The following OTOG variants were observed in gnomAD, a reference collection of about 807,000 sequenced individuals.
OTOG encodes otogelin.
OTOG carries 296 observed loss-of-function variants against 313.8 expected under a neutral mutation model. That is an observed-to-expected ratio of 0.94 (90% CI 0.86 to 1.04). OTOG has a LOEUF of 1.04. Among genes scored for constraint, OTOG ranks in the 50% least tolerant of loss-of-function variants. The pLI is 0.00. For synonymous variants in OTOG, 1,533 were observed against 1,554.9 expected (o/e 0.99, Z 0.33); for missense variants, 3,948 against 3,840.1 (o/e 1.03, Z -0.74).
intron 23 of OTOG, among the ~76,000 whole-genome samples, chr11:17,581,831 C>T (rs908663666): frequency 6.6e-6 from 1 of 152,134 alleles, no homozygotes; most frequent in Non-Finnish European, 1.5e-5. Flanking sequence ...TCTGTCAGTC[C>T]TTTCCAGCCG....
At chr11:17,588,850 G>A (rs77875564) in intron 24 of OTOG, among the ~76,000 whole-genome samples, 1 of 151,818 alleles carries the variant, frequency 6.6e-6, no homozygotes, top group Non-Finnish European at 1.5e-5. Context: ...ATCCCAATGC[G>A]TCTCACCTCA....
At chr11:17,572,460 G>A (rs916649410) in intron 18 of OTOG, among the ~76,000 whole-genome samples, 2 of 152,132 alleles carry the variant, frequency 1.3e-5, no homozygotes, top group Non-Finnish European at 2.9e-5. Flanking sequence ...AGCGGAAGTC[G>A]GCCCCATGGC....
chr11:17,628,068 T>C (rs1289438587), intron 39 of OTOG, among the ~76,000 whole-genome samples: 1 of 152,092 alleles, frequency 6.6e-6, no homozygotes, highest in Non-Finnish European at 1.5e-5. Context: ...TTTATTTCTG[T>C]TCTGATCTTT....
chr11:17,613,447 C>G (rs1019741618), intron 38 of OTOG, among the ~76,000 whole-genome samples, 165 bp from the exon 39 acceptor site: 36 of 150,392 alleles, frequency 2.4e-4, no homozygotes, highest in African/African-American at 6.9e-4. Flanking sequence ...GGAGCCGCAA[C>G]AGTTCCATGC....
At chr11:17,571,516 T>A (rs1300937955) in intron 17 of OTOG, among the ~76,000 whole-genome samples, 1 of 152,186 alleles carries the variant, frequency 6.6e-6, no homozygotes, top group African/African-American at 2.4e-5. Flanking sequence ...GCCCCTTGTA[T>A]GACGGTTTCC....
At chr11:17,570,694 G>A (rs1017242124) in intron 17 of OTOG, 5 of 263,654 alleles carry the variant, frequency 1.9e-5, no homozygotes, top group African/African-American at 1.1e-4. Context: ...TTCCAGTATG[G>A]GAGGTCTATG....
At chr11:17,634,344 G>A in intron 44 of OTOG, 63 bp downstream of exon 44, 1 of 1,483,862 alleles carries the variant, frequency 6.7e-7, no homozygotes, top group South Asian at 1.3e-5. Context: ...TTCCAGCCCT[G>A]CACACCAACC....
chr11:17,549,856 G>T (rs926252190), intron 3 of OTOG, among the ~76,000 whole-genome samples: 1 of 152,090 alleles, frequency 6.6e-6, no homozygotes, highest in Admixed American at 6.5e-5. Flanking sequence ...GGAGTTGGGG[G>T]GTGGGGGACT....
rs1198772280 is a variant in OTOG, at chr11:17,608,374, G to C, written c.4235G>C (p.Cys1412Ser). The C allele has an allele frequency of 6.5e-7, 1 of 1,546,640 alleles. No individual in the cohort carries two copies. Among genetic ancestry groups the C allele is most frequent in the Non-Finnish European group, 8.7e-7 (1 of 1,145,528 alleles). The stretch of plus-strand genomic sequence containing the variant: ...TGTGCCAGCCCCTGCTTCCAAACCT[G>C]CCGGGACCCACGGGCAGCCAGCTGC... ...DACASPCFQT[C>S]RDPRAASCRD... The change falls in exon 34 of 56, where the codon TGC (cysteine) becomes TCC (serine). Residue 1412 changes from cysteine (C) to serine (S), a missense_variant. By Grantham distance (112) the Cys-to-Ser change is moderately radical. Coordinates refer to ENST00000399397, the MANE Select transcript of OTOG (RefSeq NM_001292063.2).
chr11:17,594,197 C>T (rs1390340497), intron 28 of OTOG, 31 bp downstream of exon 28: 3 of 1,550,354 alleles, frequency 1.9e-6, no homozygotes, highest in East Asian at 2.4e-5. Flanking sequence ...TGGCTTATGC[C>T]CCTCACTCAG....
At chr11:17,639,596 C>T (rs990700256) in intron 49 of OTOG, 133 bp downstream of exon 49, 1 of 872,052 alleles carries the variant, frequency 1.1e-6, no homozygotes, top group Non-Finnish European at 1.8e-6. Context: ...ATTCTTTTCC[C>T]AAGCTCTGCC....
In OTOG at chr11:17,611,147, C is replaced by A; in HGVS notation, c.5847C>A (p.Pro1949=). 6.4e-7 allele frequency: 1 copy of A among 1,550,474 alleles called. No individual in the cohort carries two copies. Among genetic ancestry groups the A allele is most frequent in the African/African-American group, 1.4e-5 (1 of 73,158 alleles). ...CTCTCACGCCCTTGGTGGCTGAGCC[C>A]GAGGGAGCCCAGGCAGGCACAGCTC... ...SHPLTPLVAE[P]EGAQAGTALP... is the part of the protein sequence containing the mutation. Residue 1949 remains proline (P), a synonymous_variant, in exon 36 of 56, where the codon CCC becomes CCA. Coordinates refer to ENST00000399397, the MANE Select transcript of OTOG (RefSeq NM_001292063.2).
rs200215464 is a variant in OTOG at position 17,606,000 on chromosome 11, C to T, written c.4021C>T (p.Arg1341Trp). Residue 1341 changes from arginine (R) to tryptophan (W), a missense_variant, in exon 33 of 56, where the codon CGG (arginine) becomes TGG (tryptophan). Transcript: ENST00000399397. ...HASFLLHRGTRQAGLVALESL... is the reference protein window; with the variant it reads ...HASFLLHRGTWQAGLVALESL... The stretch of plus-strand genomic sequence containing the variant: ...CTCCTTCTTGCTGCACCGGGGGACA[C>T]GGCAGGCAGGCCTGGTGGCCCTGGA... 170 of 1,550,602 alleles carry T rather than the reference C, an allele frequency of 1.1e-4. No homozygotes were observed. The African/African-American group carries it at 1.3e-3, about 12-fold the overall frequency.
At position 17,547,285 on chromosome 11, in the gene OTOG, G is replaced by T. The variant is rs1233665219; in HGVS notation, c.-88G>T. 3 of 1,121,096 alleles carry T rather than the reference G, an allele frequency of 2.7e-6. No homozygotes were observed. The highest frequency in any genetic ancestry group is 3.4e-6 in the Non-Finnish European group (3 of 872,930). The allele number at this position is 1,121,096 out of a possible 1,614,324, so 69.4% of individuals were successfully genotyped here. On this transcript the variant is annotated 5_prime_UTR_variant, in exon 1 of 56. Coordinates refer to ENST00000399397, the MANE Select transcript of OTOG (RefSeq NM_001292063.2). Reference sequence around the variant, plus strand: ...TGAGAACAAGAGGGACCTCGGCTGCGGAGTGGAGGTGTGACCCTGCCTTAG... The same window carrying T: ...TGAGAACAAGAGGGACCTCGGCTGCTGAGTGGAGGTGTGACCCTGCCTTAG...
chr11:17,550,878 C>G (rs1244564221), intron 3 of OTOG, among the ~76,000 whole-genome samples: 1 of 152,226 alleles, frequency 6.6e-6, no homozygotes, highest in Non-Finnish European at 1.5e-5. Context: ...GTCAGGAAGA[C>G]CATGAAGATG....
chr11:17,633,144 G>A (rs1854171906), intron 42 of OTOG, among the ~76,000 whole-genome samples: 1 of 152,244 alleles, frequency 6.6e-6, no homozygotes, highest in Non-Finnish European at 1.5e-5. Flanking sequence ...CCTGGGGTGG[G>A]TTCCCCACAA....
intron 24 of OTOG, among the ~76,000 whole-genome samples, chr11:17,591,248 G>A (rs1852925045): frequency 2.0e-5 from 3 of 152,208 alleles, no homozygotes. Flanking sequence ...TATTGGCTGT[G>A]TTTCATAACC....
At chr11:17,550,616 G>A (rs1393925135) in intron 3 of OTOG, among the ~76,000 whole-genome samples, 1 of 152,212 alleles carries the variant, frequency 6.6e-6, no homozygotes, top group East Asian at 1.9e-4. Context: ...CATCTGAAGT[G>A]GGAGTGAAGA....
intron 39 of OTOG, among the ~76,000 whole-genome samples, chr11:17,626,876 G>T (rs897517738): frequency 6.6e-6 from 1 of 152,042 alleles, no homozygotes; most frequent in African/African-American, 2.4e-5. Context: ...TTTACTTGTG[G>T]CTATTGTAAA....
Sources: allele counts gnomAD v4.1 joint callset (sites outside exome capture counted in the v4.1 genomes callset), GRCh38; gene constraint gnomAD v4.1.1; transcripts MANE v1.5; gene names NCBI Gene and HGNC (gene_info 2026-07-23, HGNC 2026-07-21).